ACVR1C: variants seen among roughly 807,000 people sequenced by gnomAD.
ACVR1C encodes the protein activin receptor type-1C.
Under a neutral mutation model 57.9 loss-of-function variants are expected in ACVR1C, and 23 were observed. That is an observed-to-expected ratio of 0.40 (90% confidence interval 0.29 to 0.56). The LOEUF (loss-of-function observed/expected upper bound fraction) is 0.56, where lower values mean the gene tolerates loss of function less well. Among genes scored for constraint, ACVR1C ranks in the 20% least tolerant of loss-of-function variants. The pLI is 0.50. For synonymous variants in ACVR1C, 214 were observed against 215.3 expected, an observed-to-expected ratio of 0.99 and a Z score of 0.05; for missense variants, 480 against 607.9, an observed-to-expected ratio of 0.79 and a Z score of 2.21.
chr2:157,574,977 T>A (rs1688607972), intron 2 of ACVR1C, among the ~76,000 whole-genome samples: 1 of 152,132 alleles, frequency 6.6e-6, no homozygotes, highest in Non-Finnish European at 1.5e-5. Flanking sequence ...TTAATTTTTT[T>A]AAGAGACAGG....
At chr2:157,616,664 T>C (rs983173874) in intron 1 of ACVR1C, among the ~76,000 whole-genome samples, 1 of 152,082 alleles carries the variant, frequency 6.6e-6, no homozygotes, top group African/African-American at 2.4e-5. Context: ...TATTACAAGG[T>C]CTTTATACTA....
intron 3 of ACVR1C, 37 bp from the exon 4 acceptor site, chr2:157,550,429 A>C: frequency 2.5e-6 from 4 of 1,569,056 alleles, no homozygotes; most frequent in Non-Finnish European, 3.5e-6. Flanking sequence ...AATTAAACAC[A>C]AATGTCAGAA....
intron 2 of ACVR1C, among the ~76,000 whole-genome samples, chr2:157,567,099 G>C (rs1341622012): frequency 1.1e-5 from 1 of 94,660 alleles, no homozygotes; most frequent in Non-Finnish European, 2.2e-5. Context: ...CCCCCCAGCA[G>C]GGGCACACTG....
At chr2:157,615,847 T>C (rs576400931) in intron 1 of ACVR1C, among the ~76,000 whole-genome samples, 1 of 152,232 alleles carries the variant, frequency 6.6e-6, no homozygotes, top group Non-Finnish European at 1.5e-5. Flanking sequence ...TTGCAGTTTC[T>C]GCTAAGAAGT....
intron 8 of ACVR1C, 54 bp downstream of exon 8, chr2:157,538,519 G>T: frequency 7.0e-7 from 1 of 1,436,900 alleles, no homozygotes; most frequent in African/African-American, 1.5e-5. Context: ...AAGTCTCCCC[G>T]ATACTCACCT....
At chr2:157,575,708 C>A (rs1688629151) in intron 2 of ACVR1C, among the ~76,000 whole-genome samples, 1 of 152,138 alleles carries the variant, frequency 6.6e-6, no homozygotes, top group Admixed American at 6.5e-5. Flanking sequence ...AGCCACATAA[C>A]CAGCTAAAAA....
At chr2:157,573,542 G>GTT (rs973982707) in intron 2 of ACVR1C, among the ~76,000 whole-genome samples, 1 of 146,920 alleles carries the variant, frequency 6.8e-6, no homozygotes. Context: ...AATTTGAAGG[G>GTT]TTTTTTTTTT....
intron 1 of ACVR1C, among the ~76,000 whole-genome samples, chr2:157,623,162 T>C (rs180980618): frequency 2.6e-4 from 40 of 152,240 alleles, no homozygotes; most frequent in Admixed American, 1.3e-3. Flanking sequence ...GTTGGTAGGA[T>C]TGTAAATTAG....
At chr2:157,553,819 G>A (rs1260852914) in intron 3 of ACVR1C, among the ~76,000 whole-genome samples, 1 of 152,072 alleles carries the variant, frequency 6.6e-6, no homozygotes, top group Non-Finnish European at 1.5e-5. Flanking sequence ...AAGAAATCAG[G>A]GCACAGTGGG....
chr2:157,534,047 T>TA lies in ACVR1C; in HGVS notation c.1357-5dup, dbSNP rs1286896928. The TA allele has an allele frequency of 6.5e-7, 1 of 1,536,986 alleles. No individual in the cohort carries two copies. Among genetic ancestry groups the TA allele is most frequent in the Non-Finnish European group, 8.7e-7 (1 of 1,149,122 alleles). ...TTCTCCCCATGACTCGGAGTGCCTT[T>TA]AAGAGAGAAAAAAAAAATCAAAGAC... On this transcript the variant is annotated splice_polypyrimidine_tract_variant and splice_region_variant and intron_variant, in intron 8 of 8. Transcript: ENST00000243349.
chr2:157,579,570 T>G lies in ACVR1C; in HGVS notation c.304+7617A>C, dbSNP rs1688736133. Among the ~76,000 whole-genome samples, 4 of 152,220 alleles carry G rather than the reference T, an allele frequency of 2.6e-5. No individual in the cohort carries two copies. The South Asian group carries it at 8.3e-4, about 32-fold the overall frequency. ...TTGTTTCTTTACATTTGGAAAATAT[T>G]TGGTCTATAATTTTTGTCTGTTAAT... On this transcript the variant is annotated intron_variant, in intron 2 of 8. Transcript: ENST00000243349.
chr2:157,586,078 A>T (rs1275700074), intron 2 of ACVR1C, among the ~76,000 whole-genome samples: 1 of 152,064 alleles, frequency 6.6e-6, no homozygotes, highest in African/African-American at 2.4e-5. Flanking sequence ...GGATTTTGTA[A>T]GAAAAAGTCT....
At chr2:157,549,184 G>A (rs1428417582) in intron 4 of ACVR1C, among the ~76,000 whole-genome samples, 1 of 151,960 alleles carries the variant, frequency 6.6e-6, no homozygotes, top group Non-Finnish European at 1.5e-5. Context: ...TGAAAACCCT[G>A]TCTCTACTAA....
At chr2:157,560,599 A>G (rs1688211480) in intron 2 of ACVR1C, among the ~76,000 whole-genome samples, 3 of 152,180 alleles carry the variant, frequency 2.0e-5, no homozygotes, top group Admixed American at 2.0e-4. Context: ...AACCAATCAG[A>G]ACTCAGCTGC....
In ACVR1C at chr2:157,628,606, G is replaced by T; in HGVS notation, c.39C>A (p.Leu13=). 1.2e-6 allele frequency: 2 copies of T among 1,605,916 alleles called. No homozygotes were observed. The highest frequency in any genetic ancestry group is 1.7e-6 in the Non-Finnish European group (2 of 1,176,942). ...RALCSALRQA[L]LLLAAAAELS... ...GCTCGGCGGCCGCTGCGAGCAGCAG[G>T]AGAGCCTGGCGGAGCGCTGAGCAGA... is the stretch of plus-strand genomic sequence containing the variant. The change falls in exon 1 of 9, where the codon CTC becomes CTA. Residue 13 remains leucine (L), a synonymous_variant. Coordinates refer to ENST00000243349, the MANE Select transcript of ACVR1C (RefSeq NM_145259.3).
chr2:157,588,848 C>CATATATAT (rs71402394), intron 1 of ACVR1C, among the ~76,000 whole-genome samples: 5,305 of 88,820 alleles, frequency 0.06, 257 homozygotes, highest in East Asian at 0.079. Flanking sequence ...ACAAACACAC[C>CATATATAT]ATATATATAT....
intron 5 of ACVR1C, among the ~76,000 whole-genome samples, 168 bp downstream of exon 5, chr2:157,544,277 C>T (rs1234271776): frequency 6.7e-6 from 1 of 150,002 alleles, no homozygotes; most frequent in African/African-American, 2.5e-5. Context: ...AATTCCTGGC[C>T]TCAAGTGATC....
chr2:157,623,698 G>T (rs1031975322), intron 1 of ACVR1C, among the ~76,000 whole-genome samples: 1 of 152,070 alleles, frequency 6.6e-6, no homozygotes, highest in South Asian at 2.1e-4. Flanking sequence ...GCACAATAGG[G>T]TGACTATAGT....
At chr2:157,610,921 T>C (rs1458921674) in intron 1 of ACVR1C, among the ~76,000 whole-genome samples, 1 of 152,174 alleles carries the variant, frequency 6.6e-6, no homozygotes, top group Non-Finnish European at 1.5e-5. Context: ...ATTCATGTCC[T>C]GAATTGTTTT....
Sources: gnomAD v4.1 joint callset for allele counts (sites outside exome capture counted in the v4.1 genomes callset) on GRCh38, gnomAD v4.1.1 for gene constraint, MANE v1.5 for transcripts, NCBI Gene and HGNC (gene_info 2026-07-23, HGNC 2026-07-21) for gene names.